Variants in ZDHHC24 observed in about 807,000 individuals in gnomAD.
The protein encoded by ZDHHC24 is zDHHC palmitoyltransferase 24.
A neutral mutation model predicts 23.2 loss-of-function variants in ZDHHC24; 17 were observed. The ratio of observed to expected loss-of-function variants is 0.73; its 90% CI spans 0.50 to 1.10. ZDHHC24 has a LOEUF of 1.10. Among genes scored for constraint, ZDHHC24 ranks in the 50% least tolerant of loss-of-function variants. The pLI, the probability that ZDHHC24 is intolerant of heterozygous loss-of-function variation, is 0.00. For synonymous variants in ZDHHC24, 186 were observed against 194.5 expected (o/e 0.96, Z 0.36); for missense variants, 366 against 393.0 (o/e 0.93, Z 0.58).
chr11:66,531,958 T>C (rs1292130691), downstream of ZDHHC24: 2 of 1,594,420 alleles, frequency 1.3e-6, no homozygotes, highest in South Asian at 1.1e-5. Flanking sequence ...TAGGTGCTGG[T>C]GCTTCGAGAA....
At chr11:66,525,893 C>G (rs893665187) in intron 4 of ZDHHC24, among the ~76,000 whole-genome samples, 1 of 152,054 alleles carries the variant, frequency 6.6e-6, no homozygotes, top group Non-Finnish European at 1.5e-5. Flanking sequence ...TCTGGGAGAT[C>G]TATTAGGAGG....
chr11:66,541,335 G>A (rs904972313), intron 2 of ZDHHC24, among the ~76,000 whole-genome samples: 1 of 152,018 alleles, frequency 6.6e-6, no homozygotes. Context: ...CCTGGAAGGC[G>A]GAGGTTGTGG....
At position 66,523,488 on chromosome 11, in the gene ZDHHC24, T is replaced by G; in HGVS notation, c.*22-2022A>C. ...AAGCACCCCAAGTACTGCATCGAGC[T>G]GAGCGCCCAGCCTGTGGGACTTATC... On this transcript the variant is annotated intron_variant, in intron 4 of 4. Coordinates refer to the ZDHHC24 transcript ENST00000526986. The G allele has an allele frequency of 6.2e-7, 1 of 1,614,124 alleles. No individual in the cohort carries two copies.
At chr11:66,528,789 T>C (rs1438883812) in intron 3 of ZDHHC24, among the ~76,000 whole-genome samples, 4 of 151,792 alleles carry the variant, frequency 2.6e-5, no homozygotes, top group African/African-American at 9.7e-5. Flanking sequence ...ACCAACATGG[T>C]GAAACCCCGT....
rs948494487 is a variant in ZDHHC24, at chr11:66,545,374, T to G, written c.281+349A>C. On this transcript the variant is annotated intron_variant, in intron 1 of 2. Transcript: ENST00000310442. This position sits in a 1 kb window ranked among gnomAD's most constrained non-coding sequence, Gnocchi z 4.5. ...TTTAATATTGAAACTTGCAACCCCT[T>G]TACCCTGCTCTACTTCTTGTTTCCA... 6.6e-6 allele frequency among the ~76,000 whole-genome samples: 1 copy of G among 152,130 alleles called. No homozygotes were observed. The highest frequency in any genetic ancestry group is 1.5e-5 in the Non-Finnish European group (1 of 68,030).
downstream of ZDHHC24, among the ~76,000 whole-genome samples, chr11:66,534,439 G>T (rs527992979): frequency 2.3e-5 from 2 of 88,760 alleles, no homozygotes; most frequent in Non-Finnish European, 3.9e-5. Context: ...GCGAAACTCT[G>T]TCTCAAAAAA....
exon 4 of ZDHHC24, chr11:66,526,973 G>A (rs1404956352): frequency 6.5e-7 from 1 of 1,549,574 alleles, no homozygotes; most frequent in East Asian, 2.4e-5. Flanking sequence ...GGTACACGTT[G>A]CCTGCAAATC....
chr11:66,529,768 T>C (rs1305158650), intron 2 of ZDHHC24: 5 of 1,604,820 alleles, frequency 3.1e-6, no homozygotes, highest in Non-Finnish European at 4.2e-6. Context: ...TGCTGCCTCC[T>C]CCCTGCCACC....
At position 66,538,666 on chromosome 11, in the gene ZDHHC24, C is replaced by T. The variant is rs556221581; in HGVS notation, c.*863G>A. On this transcript the variant is annotated 3_prime_UTR_variant, in exon 3 of 3. Transcript: ENST00000310442. ...GAGAGATCCTAAGAGAAAACTGAGA[C>T]GAACACATGTGTTTAGGCCTGCCAT... The T allele has an allele frequency of 5.3e-5, 8 of 152,212 alleles. No homozygotes were observed. Among genetic ancestry groups the T allele is most frequent in the African/African-American group, 1.2e-4 (5 of 41,544 alleles). 9.4% of individuals were successfully genotyped at this position (152,212 alleles called of 1,614,324 possible).
downstream of ZDHHC24, chr11:66,530,829 C>A: frequency 6.2e-7 from 1 of 1,607,382 alleles, no homozygotes; most frequent in Non-Finnish European, 8.5e-7. Flanking sequence ...GCAGGCAGAG[C>A]ACACTGTACT....
chr11:66,531,171 AC>A, downstream of ZDHHC24: 1 of 1,223,368 alleles, frequency 8.2e-7, no homozygotes, highest in Non-Finnish European at 1.2e-6. Flanking sequence ...CCCACCACAG[AC>A]CAGGCCAAGG....
intron 3 of ZDHHC24, chr11:66,529,205 G>GGC: frequency 8.4e-6 from 8 of 957,232 alleles, no homozygotes; most frequent in African/African-American, 1.6e-5. Flanking sequence ...GGCGGGGTGG[G>GGC]CCCTGGAGGT....
chr11:66,529,938 A>G, intron 2 of ZDHHC24: 3 of 1,603,678 alleles, frequency 1.9e-6, no homozygotes, highest in Non-Finnish European at 2.5e-6. Flanking sequence ...AGAGCCACTC[A>G]AGCTGCACGC....
Position 66,528,886 on chromosome 11 carries a change from T to C in ZDHHC24, c.736+426A>G, listed in dbSNP as rs931042034. On this transcript the variant is annotated intron_variant, in intron 3 of 4. Transcript: ENST00000526986. ...GGGAGGCTGAGGCAGGAGAATCGAT[T>C]GAACCCGGGAGGCAGAGGTTGCAGT... Among the ~76,000 whole-genome samples, 4 of 146,316 alleles carry C rather than the reference T, an allele frequency of 2.7e-5. 1 individual carries two copies. In the East Asian group the frequency reaches 8.1e-4, roughly 30 times the overall value.
At chr11:66,529,403 C>G (rs1453274267) in exon 3 of ZDHHC24, 1 of 1,156,316 alleles carries the variant, frequency 8.6e-7, no homozygotes, top group East Asian at 2.6e-5. Flanking sequence ...GCTCACTAAG[C>G]TGCTGGAGAC....
chr11:66,535,294 C>T (rs996693612), downstream of ZDHHC24, among the ~76,000 whole-genome samples: 5 of 152,050 alleles, frequency 3.3e-5, no homozygotes, highest in Admixed American at 6.6e-5. Context: ...ACTGCAGCCT[C>T]GACCTGCTGA....
chr11:66,523,895 T>G, intron 4 of ZDHHC24: 1 of 1,612,268 alleles, frequency 6.2e-7, no homozygotes, highest in Non-Finnish European at 8.5e-7. Flanking sequence ...GAGCCCCATC[T>G]CCGGCATCTG....
chr11:66,545,069 T>G lies in ZDHHC24; in HGVS notation c.281+654A>C, dbSNP rs1434439722. Among the ~76,000 whole-genome samples, 1 of 152,160 alleles carries G rather than the reference T, an allele frequency of 6.6e-6. No individual in the cohort carries two copies. Among genetic ancestry groups the G allele is most frequent in the Admixed American group, 6.5e-5 (1 of 15,280 alleles). On this transcript the variant is annotated intron_variant, in intron 1 of 2. Coordinates refer to ENST00000310442, the MANE Select transcript of ZDHHC24 (RefSeq NM_207340.3). This position sits in a 1 kb window ranked among gnomAD's most constrained non-coding sequence, Gnocchi z 4.5. Reference sequence around the variant, plus strand: ...TTATTTATTTGAGACGGAGGGAGTCTTGCTCTGTCACCCAGGCTGGAGTGC... The same window carrying G: ...TTATTTATTTGAGACGGAGGGAGTCGTGCTCTGTCACCCAGGCTGGAGTGC...
Position 66,538,902 on chromosome 11 carries a change from G to A in ZDHHC24, c.*627C>T, listed in dbSNP as rs1298728279. Reference sequence around the variant, plus strand: ...AGGCAAAAGCACAAAGACCTGGGTTGGACCCTGCCTCCATTTGCCGCACCA... The same window carrying A: ...AGGCAAAAGCACAAAGACCTGGGTTAGACCCTGCCTCCATTTGCCGCACCA... On this transcript the variant is annotated 3_prime_UTR_variant, in exon 3 of 3. Transcript: ENST00000310442. 6.6e-6 allele frequency: 1 copy of A among 152,238 alleles called. No individual in the cohort carries two copies. Among genetic ancestry groups the A allele is most frequent in the African/African-American group, 2.4e-5 (1 of 41,428 alleles). The allele number at this position is 152,238 out of a possible 1,614,324, so 9.4% of individuals were successfully genotyped here. A position where few individuals can be genotyped will look rare whatever the true frequency, so the allele number is the denominator to read the frequency against.
Sources: gnomAD v4.1 joint callset for allele counts (sites outside exome capture counted in the v4.1 genomes callset) on GRCh38, gnomAD v4.1.1 for gene constraint, Gnocchi (gnomAD v3.1) non-coding constraint, MANE v1.5 for transcripts, NCBI Gene and HGNC (gene_info 2026-07-23, HGNC 2026-07-21) for gene names.